Variants in B4GALT1 observed in about 807,000 individuals in gnomAD.
The protein encoded by B4GALT1 is beta-1,4-galactosyltransferase 1.
B4GALT1 carries 16 observed loss-of-function variants against 34.9 expected under a neutral mutation model. That is an observed-to-expected ratio of 0.46 (90% CI 0.31 to 0.70). The LOEUF is 0.70. B4GALT1 is among the 30% of genes least tolerant of loss of function. The pLI, the probability that B4GALT1 is intolerant of heterozygous loss-of-function variation, is 0.05. For missense variants in B4GALT1, 445 were observed against 530.5 expected, an observed-to-expected ratio of 0.84 and a Z score of 1.58; for synonymous variants, 221 against 218.1, an observed-to-expected ratio of 1.01 and a Z score of -0.12.
At chr9:33,176,030 A>G in the B4GALT1 span, among the ~76,000 whole-genome samples, 2 of 152,244 alleles carry the variant, frequency 1.3e-5, no homozygotes, top group Admixed American at 6.5e-5. Flanking sequence ...TAAGAGGCAC[A>G]TAACAGCCAT....
intron 1 of B4GALT1, among the ~76,000 whole-genome samples, chr9:33,145,282 G>A (rs895984111): frequency 6.6e-6 from 1 of 152,160 alleles, no homozygotes; most frequent in Non-Finnish European, 1.5e-5. Context: ...GCAACGGATG[G>A]CCTAACCTCC....
chr9:33,110,635 C>G (rs1354455753), downstream of B4GALT1: 2 of 152,186 alleles, frequency 1.3e-5, no homozygotes, highest in East Asian at 3.9e-4. Flanking sequence ...ACAGAAACCA[C>G]CTGCAGTTAC....
Position 33,113,340 on chromosome 9 carries a change from G to T in B4GALT1, c.*114C>A. 6.8e-7 allele frequency: 1 copy of T among 1,475,900 alleles called. No homozygotes were observed. Among genetic ancestry groups the T allele is most frequent in the East Asian group, 2.3e-5 (1 of 44,208 alleles). The allele number at this position is 1,475,900 out of a possible 1,614,324, so 91.4% of individuals were successfully genotyped here. A position where few individuals can be genotyped will look rare whatever the true frequency, so the allele number is the denominator to read the frequency against. ...GAAAGCCATCTGAATGATGAGCGAAGGGGACCTGTCACTCAGACTGGTAAA... is the reference window on the plus strand; with the variant it reads ...GAAAGCCATCTGAATGATGAGCGAATGGGACCTGTCACTCAGACTGGTAAA... On this transcript the variant is annotated 3_prime_UTR_variant, in exon 6 of 6. Transcript: ENST00000379731.
chr9:33,180,757 A>C, the B4GALT1 span, among the ~76,000 whole-genome samples: 4 of 152,160 alleles, frequency 2.6e-5, no homozygotes, highest in Non-Finnish European at 5.9e-5. Flanking sequence ...TAGGGGAGGA[A>C]CGAATCTTCC....
chr9:33,135,607 C>G (rs1381898181), intron 1 of B4GALT1, among the ~76,000 whole-genome samples, 183 bp from the exon 2 acceptor site: 1 of 152,204 alleles, frequency 6.6e-6, no homozygotes, highest in East Asian at 1.9e-4. Flanking sequence ...ATTAGGGTGA[C>G]CAACCATCCC....
chr9:33,107,374 A>G (rs997923756), downstream of B4GALT1, among the ~76,000 whole-genome samples: 2 of 152,126 alleles, frequency 1.3e-5, no homozygotes, highest in African/African-American at 4.8e-5. Context: ...TGTGGCAGAA[A>G]CTTGGTAACC....
intron 1 of B4GALT1, among the ~76,000 whole-genome samples, chr9:33,154,775 T>C (rs1389238174): frequency 1.3e-5 from 2 of 152,150 alleles, no homozygotes; most frequent in Non-Finnish European, 2.9e-5. Context: ...ATGGGCCACA[T>C]GCGGCCAGGA....
At chr9:33,116,242 T>C (rs1173773755) in intron 3 of B4GALT1, 129 bp from the exon 4 acceptor site, 1 of 905,768 alleles carries the variant, frequency 1.1e-6, no homozygotes, top group Non-Finnish European at 1.4e-6. Flanking sequence ...TTTTATTTAT[T>C]TTTTTTTTGA....
upstream of B4GALT1, among the ~76,000 whole-genome samples, chr9:33,169,125 C>A (rs187346053): frequency 1.8e-3 from 269 of 152,352 alleles, 3 homozygotes; most frequent in Non-Finnish European, 2.2e-3. Context: ...TAATTGGTCA[C>A]CCTGCTTCCA....
intron 1 of B4GALT1, among the ~76,000 whole-genome samples, chr9:33,154,481 C>A (rs374743985): frequency 6.6e-6 from 1 of 152,104 alleles, no homozygotes; most frequent in Admixed American, 6.5e-5. Flanking sequence ...GAGGTTCTAA[C>A]GGGGCATTTA....
In B4GALT1 at chr9:33,166,922, C is replaced by T. The variant is rs1489750583; in HGVS notation, c.248G>A (p.Arg83Gln). The T allele has an allele frequency of 6.4e-7, 1 of 1,570,358 alleles. No homozygotes were observed. The highest frequency in any genetic ancestry group is 8.6e-7 in the Non-Finnish European group (1 of 1,165,188). ...SSGELRTGGA[R>Q]PPPPLGASSQ... ...GGAGGCGCCTAGAGGAGGCGGCGGC[C>T]GGGCCCCTCCGGTCCGGAGCTCCCC... Residue 83 changes from arginine (R) to glutamine (Q), a missense_variant, in exon 1 of 6, where the codon CGG (arginine) becomes CAG (glutamine). Arg to Gln is a conservative substitution (Grantham distance 43). This residue lies in a region of B4GALT1 where 349 missense variants were observed against 395.5 expected (regional missense o/e 0.88). Coordinates refer to ENST00000379731, the MANE Select transcript of B4GALT1 (RefSeq NM_001497.4).
At chr9:33,166,057 C>G (rs1840746906) in intron 1 of B4GALT1, among the ~76,000 whole-genome samples, 1 of 152,154 alleles carries the variant, frequency 6.6e-6, no homozygotes, top group African/African-American at 2.4e-5. Context: ...GTACCCATAC[C>G]AGGAGGAGGC....
At chr9:33,135,890 A>AGTGT (rs112875696) in intron 1 of B4GALT1, among the ~76,000 whole-genome samples, 3,810 of 104,080 alleles carry the variant, frequency 0.037, 101 homozygotes, top group African/African-American at 0.067. Context: ...TAACTGGGGA[A>AGTGT]GTGTGTGTGT....
chr9:33,178,730 G>A, the B4GALT1 span, among the ~76,000 whole-genome samples: 1 of 152,224 alleles, frequency 6.6e-6, no homozygotes, highest in Non-Finnish European at 1.5e-5. Context: ...TCAGATCCTA[G>A]AAAGGCCAAC....
At chr9:33,109,576 G>A (rs916340766), downstream of B4GALT1, among the ~76,000 whole-genome samples, 3 of 152,214 alleles carry the variant, frequency 2.0e-5, no homozygotes, top group Non-Finnish European at 4.4e-5. Context: ...GTTGTGGCGG[G>A]AGGATTGTGT....
the B4GALT1 span, among the ~76,000 whole-genome samples, chr9:33,177,996 T>TTC: frequency 1.3e-5 from 2 of 148,656 alleles, no homozygotes; most frequent in African/African-American, 5.1e-5. Context: ...CTTTTTTTTT[T>TTC]TTTTTTTTTT....
intron 4 of B4GALT1, among the ~76,000 whole-genome samples, chr9:33,114,762 T>C (rs565016684): frequency 6.6e-6 from 1 of 152,366 alleles, no homozygotes; most frequent in East Asian, 1.9e-4. Context: ...CCCAGACCAC[T>C]TAAACATTCC....
chr9:33,150,270 CGAGA>C (rs375327326), intron 1 of B4GALT1, among the ~76,000 whole-genome samples: 96 of 87,876 alleles, frequency 1.1e-3, no homozygotes, highest in East Asian at 8.8e-3. Context: ...ACACACAGAG[CGAGA>C]GAGAGAGAGA....
chr9:33,137,871 T>C (rs1294693087), intron 1 of B4GALT1, among the ~76,000 whole-genome samples: 1 of 152,114 alleles, frequency 6.6e-6, no homozygotes, highest in Non-Finnish European at 1.5e-5. Flanking sequence ...CACCCAACCC[T>C]GGGCAAAGGC....
Sources: gnomAD v4.1 joint callset for allele counts (sites outside exome capture counted in the v4.1 genomes callset) on GRCh38, gnomAD v4.1.1 for gene constraint, gnomAD v4.1.1 regional missense constraint, MANE v1.5 for transcripts, NCBI Gene and HGNC (gene_info 2026-07-23, HGNC 2026-07-21) for gene names.